TMEM163: variants seen among roughly 807,000 people sequenced by gnomAD.
TMEM163 encodes the protein transmembrane protein 163.
Under a neutral mutation model 29.3 loss-of-function variants are expected in TMEM163, and 17 were observed. The observed-to-expected ratio is 0.58, with a 90% CI of 0.40 to 0.87. The LOEUF (loss-of-function observed/expected upper bound fraction) is 0.87. Among genes scored for constraint, TMEM163 ranks in the 40% least tolerant of loss-of-function variants. The pLI is 0.00. For synonymous variants in TMEM163, 157 were observed against 160.6 expected (o/e 0.98, Z 0.17); for missense variants, 303 against 381.5 (o/e 0.79, Z 1.71).
chr2:134,470,312 G>C (rs902396305), intron 5 of TMEM163, among the ~76,000 whole-genome samples: 5 of 150,678 alleles, frequency 3.3e-5, no homozygotes, highest in Non-Finnish European at 7.4e-5. Context: ...AGCTGAGATA[G>C]CGCCACTGCA....
chr2:134,497,527 GAC>G (rs1019832061), intron 5 of TMEM163, among the ~76,000 whole-genome samples: 4 of 152,162 alleles, frequency 2.6e-5, no homozygotes, highest in Non-Finnish European at 5.9e-5. Flanking sequence ...CATTGATCAG[GAC>G]ACAGAGATAG....
intron 2 of TMEM163, among the ~76,000 whole-genome samples, chr2:134,622,228 A>C (rs1436025247): frequency 6.6e-6 from 1 of 152,228 alleles, no homozygotes; most frequent in Non-Finnish European, 1.5e-5. Context: ...CAATGGAATA[A>C]TGGTGATACA....
rs1251718425 is a variant in TMEM163 at position 134,460,993 on chromosome 2, G to A, written c.668-2820C>T. On this transcript the variant is annotated intron_variant, in intron 6 of 7. Coordinates refer to ENST00000281924, the MANE Select transcript of TMEM163 (RefSeq NM_030923.5). The surrounding 1 kb of genome is among the most constrained non-coding windows in gnomAD (Gnocchi z 4.3). ...CACACAGGGACTAGGGACCGAGTCA[G>A]TGGCCACCTGCCACTTTGCTCCAAA... 6.6e-6 allele frequency among the ~76,000 whole-genome samples: 1 copy of A among 152,228 alleles called. No homozygotes were observed. Among genetic ancestry groups the A allele is most frequent in the Non-Finnish European group, 1.5e-5 (1 of 68,042 alleles).
intron 2 of TMEM163, among the ~76,000 whole-genome samples, chr2:134,633,998 T>C (rs1258918875): frequency 4.2e-5 from 1 of 23,836 alleles, no homozygotes; most frequent in East Asian, 5.3e-4. Context: ...TATATATATA[T>C]ATATATATAT....
chr2:134,580,921 C>A (rs1681677264), intron 2 of TMEM163, among the ~76,000 whole-genome samples: 2 of 152,104 alleles, frequency 1.3e-5, no homozygotes, highest in South Asian at 2.1e-4. Flanking sequence ...TCAAAAAAAA[C>A]CAGCCCTAGG....
intron 2 of TMEM163, among the ~76,000 whole-genome samples, chr2:134,700,697 G>A (rs994157444): frequency 2.0e-5 from 3 of 152,014 alleles, no homozygotes; most frequent in South Asian, 2.1e-4. Context: ...TCATGAGTTC[G>A]AGACTAGCCT....
At chr2:134,708,139 G>A (rs951638389) in intron 2 of TMEM163, among the ~76,000 whole-genome samples, 2 of 152,154 alleles carry the variant, frequency 1.3e-5, no homozygotes, top group South Asian at 2.1e-4. Flanking sequence ...CACCTGCCTC[G>A]GCCTCCCAGA....
intron 2 of TMEM163, among the ~76,000 whole-genome samples, chr2:134,636,305 G>A (rs1280842247): frequency 6.6e-6 from 1 of 152,168 alleles, no homozygotes; most frequent in African/African-American, 2.4e-5. Flanking sequence ...ATCCAGACTT[G>A]TTTCTACAGT....
chr2:134,549,203 CT>C (rs938022526), intron 4 of TMEM163, among the ~76,000 whole-genome samples: 21 of 151,918 alleles, frequency 1.4e-4, no homozygotes, highest in African/African-American at 5.1e-4. Context: ...AAAATTTGCT[CT>C]CATTAGTGAG....
chr2:134,546,195 C>A (rs1680778756), intron 4 of TMEM163, among the ~76,000 whole-genome samples: 1 of 152,168 alleles, frequency 6.6e-6, no homozygotes, highest in Admixed American at 6.5e-5. Context: ...TCCAGCAATC[C>A]CACTTCTGGG....
In TMEM163 at chr2:134,522,152, C is replaced by T. The variant is rs75220036; in HGVS notation, c.459-19155G>A. ...TTAGACTCAGGAGTCTTTATAAGCT[C>T]CACTGATGGCTCTAGAGCACCCAGA... On this transcript the variant is annotated intron_variant, in intron 4 of 7. Transcript: ENST00000281924. Among the ~76,000 whole-genome samples the T allele has an allele frequency of 6.3e-3, 953 of 152,064 alleles. 9 individuals are homozygous for T. Among genetic ancestry groups the T allele is most frequent in the African/African-American group, 0.021 (887 of 41,494 alleles).
At chr2:134,499,101 A>C (rs2106485774) in intron 5 of TMEM163, among the ~76,000 whole-genome samples, 1 of 152,234 alleles carries the variant, frequency 6.6e-6, no homozygotes, top group East Asian at 1.9e-4. Context: ...TTTTAAAACA[A>C]CCCATATTAA....
intron 5 of TMEM163, among the ~76,000 whole-genome samples, chr2:134,491,882 G>A (rs967866260): frequency 7.9e-5 from 12 of 152,168 alleles, no homozygotes; most frequent in African/African-American, 2.7e-4. Context: ...AGAGACTCTT[G>A]TACAGTCATT....
At chr2:134,543,434 A>G (rs1353252922) in intron 4 of TMEM163, among the ~76,000 whole-genome samples, 1 of 152,240 alleles carries the variant, frequency 6.6e-6, no homozygotes. Flanking sequence ...TCAAGTTAAG[A>G]GCACTAGACA....
intron 2 of TMEM163, among the ~76,000 whole-genome samples, chr2:134,560,587 T>C (rs1681146300): frequency 6.6e-6 from 1 of 152,166 alleles, no homozygotes; most frequent in African/African-American, 2.4e-5. Context: ...GGACCACTGC[T>C]TTAGGGACAG....
At chr2:134,665,313 T>C (rs1683850858) in intron 2 of TMEM163, among the ~76,000 whole-genome samples, 1 of 152,142 alleles carries the variant, frequency 6.6e-6, no homozygotes, top group Admixed American at 6.5e-5. Context: ...CAAAGGCATG[T>C]CTTACATAGT....
chr2:134,471,527 T>C (rs35105170), intron 5 of TMEM163, among the ~76,000 whole-genome samples: 1 of 152,176 alleles, frequency 6.6e-6, no homozygotes. Context: ...ACTGTGAAGA[T>C]GAAATTCCTG....
At chr2:134,563,151 C>G (rs1681219963) in intron 2 of TMEM163, among the ~76,000 whole-genome samples, 1 of 152,212 alleles carries the variant, frequency 6.6e-6, no homozygotes, top group Admixed American at 6.5e-5. Flanking sequence ...CAGACAGACA[C>G]CGATACAAGA....
intron 2 of TMEM163, among the ~76,000 whole-genome samples, chr2:134,604,648 A>G (rs1400720858): frequency 6.6e-6 from 1 of 152,144 alleles, no homozygotes; most frequent in Non-Finnish European, 1.5e-5. Flanking sequence ...AATGTAATTA[A>G]ATGATTACAT....
Sources: gnomAD v4.1 joint callset for allele counts (sites outside exome capture counted in the v4.1 genomes callset) on GRCh38, gnomAD v4.1.1 for gene constraint, Gnocchi (gnomAD v3.1) non-coding constraint, MANE v1.5 for transcripts, NCBI Gene and HGNC (gene_info 2026-07-23, HGNC 2026-07-21) for gene names.